The following GALNT13 variants were observed in gnomAD, a reference collection of about 807,000 sequenced individuals.
GALNT13 encodes UDP-GalNAc:polypeptide N-acetylgalactosaminyltransferase 13.
A neutral mutation model predicts 64.2 loss-of-function variants in GALNT13; 28 were observed. That is an observed-to-expected ratio of 0.44 (90% confidence interval 0.32 to 0.60). The LOEUF is 0.60. GALNT13 is among the 20% of genes least tolerant of loss of function. The pLI is 0.05. For synonymous variants in GALNT13, 214 were observed against 224.6 expected, an observed-to-expected ratio of 0.95 and a Z score of 0.42; for missense variants, 577 against 669.8, an observed-to-expected ratio of 0.86 and a Z score of 1.53.
At chr2:153,443,651 G>T in the GALNT13 span, among the ~76,000 whole-genome samples, 101 of 152,198 alleles carry the variant, frequency 6.6e-4, 1 homozygote, top group South Asian at 4.1e-3. Flanking sequence ...GGCCAGGTGC[G>T]GTGGCTCACA....
the GALNT13 span, among the ~76,000 whole-genome samples, chr2:153,192,068 T>C: frequency 6.6e-6 from 1 of 151,994 alleles, no homozygotes; most frequent in Non-Finnish European, 1.5e-5. Context: ...TGATCTTTAT[T>C]ATTTCTTTAA....
intron 8 of GALNT13, among the ~76,000 whole-genome samples, chr2:154,291,427 A>G (rs1226600483): frequency 6.6e-6 from 1 of 152,154 alleles, no homozygotes; most frequent in Non-Finnish European, 1.5e-5. Flanking sequence ...TCCTTTAGCT[A>G]GACAGAAAAG....
At chr2:153,667,764 C>T in the GALNT13 span, among the ~76,000 whole-genome samples, 278 of 152,206 alleles carry the variant, frequency 1.8e-3, no homozygotes, top group African/African-American at 6.3e-3. Flanking sequence ...AAGGTCAAAT[C>T]GGCACATATC....
At chr2:154,331,846 C>T (rs1695184478) in intron 9 of GALNT13, among the ~76,000 whole-genome samples, 1 of 151,980 alleles carries the variant, frequency 6.6e-6, no homozygotes, top group African/African-American at 2.4e-5. Context: ...CTGATAGCCA[C>T]TTCTTGCTAC....
chr2:154,333,318 G>A (rs920030282), intron 9 of GALNT13, among the ~76,000 whole-genome samples: 22 of 151,966 alleles, frequency 1.4e-4, no homozygotes, highest in Admixed American at 7.2e-4. Flanking sequence ...GTTTTTCTAA[G>A]TAGAGACATG....
the GALNT13 span, among the ~76,000 whole-genome samples, chr2:153,363,153 A>C: frequency 2.4e-4 from 36 of 152,216 alleles, no homozygotes; most frequent in South Asian, 7.2e-3. Context: ...TAATGAAATT[A>C]AGGCGGAAAT....
At chr2:153,328,035 G>A in the GALNT13 span, among the ~76,000 whole-genome samples, 1 of 151,754 alleles carries the variant, frequency 6.6e-6, no homozygotes, top group African/African-American at 2.4e-5. Flanking sequence ...TTAGTTTTTT[G>A]GTTTTTTTTC....
chr2:153,258,369 A>AGAAAC, the GALNT13 span, among the ~76,000 whole-genome samples: 1 of 147,042 alleles, frequency 6.8e-6, no homozygotes. Context: ...CTGGTCTCCC[A>AGAAAC]AAAACAAAAC....
intron 4 of GALNT13, among the ~76,000 whole-genome samples, chr2:154,154,211 T>G (rs1684261084): frequency 1.3e-5 from 2 of 152,120 alleles, no homozygotes; most frequent in South Asian, 4.1e-4. Flanking sequence ...ATCTGATAGT[T>G]TTTTCCAAAA....
chr2:154,436,066 C>T (rs1468858327), intron 11 of GALNT13: 1 of 152,018 alleles, frequency 6.6e-6, no homozygotes, highest in Admixed American at 6.6e-5. Context: ...TTCCCAGGTA[C>T]ACAAAGCAAA....
chr2:153,229,474 C>T, the GALNT13 span, among the ~76,000 whole-genome samples: 1 of 152,166 alleles, frequency 6.6e-6, no homozygotes, highest in Non-Finnish European at 1.5e-5. Flanking sequence ...AAGTAAATTA[C>T]AGACCACTTA....
At chr2:154,223,925 G>C (rs1349350725) in intron 4 of GALNT13, among the ~76,000 whole-genome samples, 2 of 152,064 alleles carry the variant, frequency 1.3e-5, no homozygotes, top group Non-Finnish European at 2.9e-5. Flanking sequence ...GGGAAGGGAG[G>C]AGTTGACATA....
the GALNT13 span, among the ~76,000 whole-genome samples, chr2:153,810,406 T>C: frequency 6.6e-6 from 1 of 152,356 alleles, no homozygotes; most frequent in South Asian, 2.1e-4. Context: ...GTATCTACAT[T>C]ACATATTAAG....
chr2:153,665,560 A>G, the GALNT13 span, among the ~76,000 whole-genome samples: 1 of 152,146 alleles, frequency 6.6e-6, no homozygotes, highest in Non-Finnish European at 1.5e-5. Flanking sequence ...ATTACAAAAT[A>G]TCAAAAGAGG....
intron 4 of GALNT13, among the ~76,000 whole-genome samples, chr2:154,235,373 C>T (rs1243301323): frequency 6.6e-6 from 1 of 152,086 alleles, no homozygotes; most frequent in African/African-American, 2.4e-5. Context: ...GAAACCCATG[C>T]AAAATTTAGT....
At chr2:153,630,184 A>G in the GALNT13 span, among the ~76,000 whole-genome samples, 1 of 152,010 alleles carries the variant, frequency 6.6e-6, no homozygotes, top group Non-Finnish European at 1.5e-5. Flanking sequence ...TGCTGCTATA[A>G]AGACACATGC....
chr2:153,555,214 A>G, the GALNT13 span, among the ~76,000 whole-genome samples: 9 of 53,016 alleles, frequency 1.7e-4, 1 homozygote, highest in South Asian at 1.5e-3. Flanking sequence ...TTTTTTTTTG[A>G]GACGGAGTCT....
the GALNT13 span, among the ~76,000 whole-genome samples, chr2:153,088,573 C>T: frequency 6.6e-6 from 1 of 152,132 alleles, no homozygotes; most frequent in African/African-American, 2.4e-5. Context: ...AAGCTCCCCA[C>T]TATTATCGTG....
At chr2:153,939,238 G>A (rs1691167092) in intron 2 of GALNT13, among the ~76,000 whole-genome samples, 1 of 152,142 alleles carries the variant, frequency 6.6e-6, no homozygotes, top group Non-Finnish European at 1.5e-5. Context: ...CAAGAGCAGG[G>A]AGCCATGAAC....
Sources: allele counts gnomAD v4.1 joint callset (sites outside exome capture counted in the v4.1 genomes callset), GRCh38; gene constraint gnomAD v4.1.1; transcripts MANE v1.5; gene names NCBI Gene and HGNC (gene_info 2026-07-23, HGNC 2026-07-21).